The following DNAH17 variants were observed in gnomAD, a reference collection of about 807,000 sequenced individuals.
DNAH17 encodes the protein axonemal beta dynein heavy chain 17.
DNAH17 carries 376 observed loss-of-function variants against 485.6 expected under a neutral mutation model. The observed-to-expected ratio is 0.77, with a 90% confidence interval of 0.71 to 0.84. DNAH17 has a LOEUF of 0.84. Among genes scored for constraint, DNAH17 ranks in the 40% least tolerant of loss-of-function variants. The pLI is 0.00. For missense variants in DNAH17, 6,370 were observed against 5,839.3 expected (o/e 1.09, Z -2.96); for synonymous variants, 3,031 against 2,405.9 (o/e 1.26, Z -7.60).
chr17:78,427,535 C>CT lies in DNAH17; in HGVS notation c.12589-428dup, dbSNP rs1448385071. Among the ~76,000 whole-genome samples, 15 of 152,346 alleles carry CT rather than the reference C, an allele frequency of 9.8e-5. No homozygotes were observed. The East Asian group carries it at 2.7e-3, about 27-fold the overall frequency. ...GTGCAGTGGTCACCTGCACCACCGT[C>CT]TGTCAGCCAATTCCTGATTTCAGTC... On this transcript the variant is annotated intron_variant, in intron 77 of 80. Coordinates refer to ENST00000389840, the MANE Select transcript of DNAH17 (RefSeq NM_173628.4).
chr17:78,544,335 G>C (rs1598693031), intron 16 of DNAH17, among the ~76,000 whole-genome samples: 1 of 152,220 alleles, frequency 6.6e-6, no homozygotes, highest in South Asian at 2.1e-4. Flanking sequence ...AAGGACCCGA[G>C]CGTCGAGGAG....
intron 18 of DNAH17, among the ~76,000 whole-genome samples, chr17:78,539,229 CAAAAAAAT>C (rs1232838674): frequency 6.6e-6 from 1 of 151,354 alleles, no homozygotes; most frequent in South Asian, 2.1e-4. Flanking sequence ...GACTCTGTCT[CAAAAAAAT>C]AAAAAAATAA....
chr17:78,451,743 C>A lies in DNAH17; in HGVS notation c.10530-70G>T. On this transcript the variant is annotated intron_variant, in intron 65 of 80. Coordinates refer to ENST00000389840, the MANE Select transcript of DNAH17 (RefSeq NM_173628.4). Reference sequence around the variant, plus strand: ...AGGGGAGAGGAACACAAGTACAGACCACCTTTCACCCCAGCCCCAGGCCAG... The same window carrying A: ...AGGGGAGAGGAACACAAGTACAGACAACCTTTCACCCCAGCCCCAGGCCAG... 2.9e-6 allele frequency: 4 copies of A among 1,374,182 alleles called. No individual in the cohort carries two copies. In the South Asian group the frequency reaches 4.3e-5, roughly 15 times the overall value. The allele number at this position is 1,374,182 out of a possible 1,614,324, so 85.1% of individuals were successfully genotyped here.
At position 78,561,856 on chromosome 17, in the gene DNAH17, G is replaced by T; in HGVS notation, c.1694C>A (p.Ala565Asp). The change falls in exon 12 of 81, where the codon GCC becomes GAC. Residue 565 changes from alanine (A) to aspartate (D), a missense_variant. Coordinates refer to ENST00000389840, the MANE Select transcript of DNAH17 (RefSeq NM_173628.4). The stretch of plus-strand genomic sequence containing the variant: ...CCCCTCCTCGGAGGCCGCCATCTGG[G>T]CATCGTACAAGATCTTAGCATTGTC... Reference protein sequence around the residue: ...ELDNAKILYDAQMAASEEGNI... With the variant: ...ELDNAKILYDDQMAASEEGNI... 6.2e-7 allele frequency: 1 copy of T among 1,613,934 alleles called. No individual in the cohort carries two copies. The highest frequency in any genetic ancestry group is 8.5e-7 in the Non-Finnish European group (1 of 1,179,868).
At chr17:78,431,437 C>T (rs1401113728) in intron 75 of DNAH17, among the ~76,000 whole-genome samples, 1 of 147,080 alleles carries the variant, frequency 6.8e-6, no homozygotes, top group Admixed American at 6.8e-5. Flanking sequence ...TTTCCCGTAC[C>T]TGCTGAGGGA....
chr17:78,569,063 T>C (rs2143710890), intron 9 of DNAH17, 103 bp downstream of exon 9: 2 of 905,816 alleles, frequency 2.2e-6, no homozygotes, highest in Non-Finnish European at 3.4e-6. Flanking sequence ...ATTTTCTGCC[T>C]GGGGGATTAT....
At chr17:78,557,993 G>A (rs2092064268) in intron 14 of DNAH17, 115 bp downstream of exon 14, 1 of 1,273,694 alleles carries the variant, frequency 7.9e-7, no homozygotes. Context: ...ATGAATTTGA[G>A]TGAATGGGAA....
chr17:78,553,287 T>G (rs867112813), intron 14 of DNAH17, among the ~76,000 whole-genome samples: 49 of 26,286 alleles, frequency 1.9e-3, no homozygotes, highest in African/African-American at 6.5e-3. Context: ...TTTTGTGTTT[T>G]TTTTTTTTTT....
chr17:78,450,400 C>A lies in DNAH17; in HGVS notation c.10900-6G>T. 6.2e-7 allele frequency: 1 copy of A among 1,613,722 alleles called. No homozygotes were observed. Among genetic ancestry groups the A allele is most frequent in the East Asian group, 2.2e-5 (1 of 44,880 alleles). On this transcript the variant is annotated splice_polypyrimidine_tract_variant and splice_region_variant and intron_variant, in intron 67 of 80. Transcript: ENST00000389840. ...GTGATTTTTGCCTCCACCACCTCGA[C>A]ACAAACAAAAGGGGTGTGAATGACA...
intron 62 of DNAH17, 82 bp from the exon 63 acceptor site, chr17:78,455,918 G>A (rs2087775819): frequency 1.7e-6 from 2 of 1,203,660 alleles, no homozygotes; most frequent in Non-Finnish European, 1.1e-6. Flanking sequence ...CTGCACCTCT[G>A]TGAATCTTCA....
At chr17:78,524,855 G>T (rs959464865) in intron 25 of DNAH17, among the ~76,000 whole-genome samples, 154 bp downstream of exon 25, 4 of 152,160 alleles carry the variant, frequency 2.6e-5, no homozygotes, top group African/African-American at 9.7e-5. Context: ...CCCACCTCGC[G>T]ATCTCAGGGC....
At chr17:78,430,148 G>C (rs1469465148) in intron 75 of DNAH17, among the ~76,000 whole-genome samples, 2 of 152,172 alleles carry the variant, frequency 1.3e-5, no homozygotes, top group Non-Finnish European at 2.9e-5. Flanking sequence ...ATGAAGCCAG[G>C]CCCTTGTTCT....
rs1406180815 is a variant in DNAH17 at position 78,425,340 on chromosome 17, C to T, written c.13141+6G>A. ...GCTTCTGCAGACAGACAAGAGCCCT[C>T]CTTACCTTCCATGAAGAGTCCGTAC... is the stretch of plus-strand genomic sequence containing the variant. On this transcript the variant is annotated splice_donor_region_variant and intron_variant, in intron 80 of 80. Coordinates refer to ENST00000389840, the MANE Select transcript of DNAH17 (RefSeq NM_173628.4). 1 of 1,612,972 alleles carries T rather than the reference C, an allele frequency of 6.2e-7. No individual in the cohort carries two copies. The highest frequency in any genetic ancestry group is 8.5e-7 in the Non-Finnish European group (1 of 1,179,294).
At position 78,566,695 on chromosome 17, in the gene DNAH17, T is replaced by A; in HGVS notation, c.1488A>T (p.Lys496Asn). ...CCAGCCTCCTATCCAGGTCTTGGAT[T>A]TTGATCTCAAAATCAGCATAATCAC... ...FDRDYADFEI[K>N]IQDLDRRLAT... Residue 496 changes from lysine (K) to asparagine (N), a missense_variant, in exon 11 of 81, where the codon AAA becomes AAT. Coordinates refer to ENST00000389840, the MANE Select transcript of DNAH17 (RefSeq NM_173628.4). 6.2e-7 allele frequency: 1 copy of A among 1,609,414 alleles called. No individual in the cohort carries two copies. The highest frequency in any genetic ancestry group is 1.7e-5 in the Admixed American group (1 of 59,342).
chr17:78,505,855 G>A (rs2090468436), intron 30 of DNAH17, among the ~76,000 whole-genome samples: 1 of 152,106 alleles, frequency 6.6e-6, no homozygotes, highest in Admixed American at 6.5e-5. Flanking sequence ...GTGCATGCCT[G>A]TAATCCCAGC....
intron 65 of DNAH17, 98 bp downstream of exon 65, chr17:78,453,245 C>G: frequency 6.7e-7 from 1 of 1,500,828 alleles, no homozygotes. Flanking sequence ...ACCAGGGAAG[C>G]AAAGGAAATT....
intron 16 of DNAH17, among the ~76,000 whole-genome samples, chr17:78,548,561 C>T (rs962239585): frequency 1.5e-4 from 23 of 152,102 alleles, no homozygotes; most frequent in Non-Finnish European, 2.4e-4. Flanking sequence ...GAGCTTCAGT[C>T]GGTCTGTGTT....
chr17:78,477,308 T>C (rs2089075752), intron 51 of DNAH17, among the ~76,000 whole-genome samples: 1 of 152,128 alleles, frequency 6.6e-6, no homozygotes, highest in Admixed American at 6.5e-5. Flanking sequence ...CCCAGGGCAG[T>C]AAGACAGAGT....
intron 80 of DNAH17, 196 bp from the exon 81 acceptor site, chr17:78,424,349 G>A (rs972080782): frequency 1.5e-5 from 9 of 617,172 alleles, no homozygotes; most frequent in East Asian, 8.6e-5. Flanking sequence ...ACCCCGTCCC[G>A]CTGGGCTCAA....
Sources: gnomAD v4.1 joint callset for allele counts (sites outside exome capture counted in the v4.1 genomes callset) on GRCh38, gnomAD v4.1.1 for gene constraint, MANE v1.5 for transcripts, NCBI Gene and HGNC (gene_info 2026-07-23, HGNC 2026-07-21) for gene names.